Variants in FAR1 observed in about 807,000 individuals in gnomAD.
The protein encoded by FAR1 is fatty acyl-CoA reductase 1, also known as male sterility domain-containing protein 2.
In FAR1, 22 loss-of-function variants were observed where a neutral mutation model predicts 61.1. The observed-to-expected ratio is 0.36, with a 90% CI of 0.26 to 0.51. The LOEUF is 0.51. Among genes scored for constraint, FAR1 ranks in the 20% least tolerant of loss-of-function variants. The pLI is 0.95. For missense variants in FAR1, 359 were observed against 626.9 expected, an observed-to-expected ratio of 0.57 and a Z score of 4.56; for synonymous variants, 206 against 209.7, an observed-to-expected ratio of 0.98 and a Z score of 0.15.
At chr11:13,689,807 T>C (rs1848227785) in intron 1 of FAR1, among the ~76,000 whole-genome samples, 1 of 151,924 alleles carries the variant, frequency 6.6e-6, no homozygotes, top group Non-Finnish European at 1.5e-5. Flanking sequence ...TGTAGTGGGA[T>C]CACATAGGGG....
At chr11:13,709,155 AC>A (rs1231840920) in intron 4 of FAR1, among the ~76,000 whole-genome samples, 1 of 152,094 alleles carries the variant, frequency 6.6e-6, no homozygotes, top group African/African-American at 2.4e-5. Flanking sequence ...GATTCTATCC[AC>A]TTTGACTGCT....
chr11:13,699,537 C>T (rs2134183353), intron 2 of FAR1, among the ~76,000 whole-genome samples: 1 of 152,246 alleles, frequency 6.6e-6, no homozygotes, highest in Middle Eastern at 3.4e-3. Flanking sequence ...CAAGTTTGAA[C>T]TTCAAATGGA....
rs1258808029 is a variant in FAR1 at position 13,721,086 on chromosome 11, G to A, written c.1128-644G>A. On this transcript the variant is annotated intron_variant, in intron 9 of 11. Coordinates refer to ENST00000354817, the MANE Select transcript of FAR1 (RefSeq NM_032228.6). The surrounding 1 kb of genome is among the most constrained non-coding windows in gnomAD (Gnocchi z 4.2). ...TATTTCTGTAAGGATGAGTATTGGTGGGGTATGGAGAGGTGAGTGGATATC... is the reference window on the plus strand; with the variant it reads ...TATTTCTGTAAGGATGAGTATTGGTAGGGTATGGAGAGGTGAGTGGATATC... The A allele has an allele frequency of 6.6e-6, 1 of 152,110 alleles. No homozygotes were observed. The highest frequency in any genetic ancestry group is 2.4e-5 in the African/African-American group (1 of 41,444). The allele number at this position is 152,110 out of a possible 1,614,324, so 9.4% of individuals were successfully genotyped here. A position where few individuals can be genotyped will look rare whatever the true frequency, so the allele number is the denominator to read the frequency against.
chr11:13,725,846 G>A (rs140674059), intron 10 of FAR1, among the ~76,000 whole-genome samples: 1 of 151,436 alleles, frequency 6.6e-6, no homozygotes, highest in Non-Finnish European at 1.5e-5. Flanking sequence ...TAACCCCTAT[G>A]TAATTCCTAT....
At chr11:13,682,851 A>G (rs776842836) in intron 1 of FAR1, among the ~76,000 whole-genome samples, 2 of 152,016 alleles carry the variant, frequency 1.3e-5, no homozygotes, top group Admixed American at 6.6e-5. Context: ...GGCTCAAGCA[A>G]TCTGCCCACC....
chr11:13,706,662 TAAC>T lies in FAR1; in HGVS notation c.366-1235_366-1233del, dbSNP rs752748689. On this transcript the variant is annotated intron_variant, in intron 3 of 11. Coordinates refer to ENST00000354817, the MANE Select transcript of FAR1 (RefSeq NM_032228.6). ...CCACTCTTTTTGTAATTTTTAAAAA[TAAC>T]AATATATTGATATTAACTATAGTCT... 5.9e-5 allele frequency among the ~76,000 whole-genome samples: 9 copies of T among 151,836 alleles called. No individual in the cohort carries two copies. The South Asian group carries it at 1.4e-3, about 24-fold the overall frequency.
chr11:13,699,673 G>C (rs752543736), intron 2 of FAR1, among the ~76,000 whole-genome samples: 8 of 152,134 alleles, frequency 5.3e-5, no homozygotes, highest in African/African-American at 9.7e-5. Context: ...TTTGTGATCT[G>C]ATTGTCTAGC....
chr11:13,703,266 C>G (rs1313637701), intron 3 of FAR1, among the ~76,000 whole-genome samples: 1 of 152,186 alleles, frequency 6.6e-6, no homozygotes, highest in Non-Finnish European at 1.5e-5. Flanking sequence ...TCACTGCAGC[C>G]TCGACCTCCT....
chr11:13,686,424 CATT>C (rs1848185953), intron 1 of FAR1: 1 of 152,122 alleles, frequency 6.6e-6, no homozygotes, highest in South Asian at 2.1e-4. Flanking sequence ...AATCAGCTAA[CATT>C]ATGTTAAAAG....
At chr11:13,728,562 AT>A in intron 11 of FAR1, 49 bp from the exon 12 acceptor site, 3 of 1,529,556 alleles carry the variant, frequency 2.0e-6, no homozygotes, top group Non-Finnish European at 2.7e-6. Flanking sequence ...ATCTAACAAT[AT>A]TTTTTTCTAG....
At chr11:13,714,439 ATGAT>A (rs1282542261) in intron 8 of FAR1, 66 bp from the exon 9 acceptor site, 3 of 1,430,108 alleles carry the variant, frequency 2.1e-6, no homozygotes, top group Non-Finnish European at 2.8e-6. Flanking sequence ...TTATAAAAAC[ATGAT>A]TTTTTTTTTT....
chr11:13,691,517 C>T (rs1476387956), intron 1 of FAR1, among the ~76,000 whole-genome samples: 1 of 152,198 alleles, frequency 6.6e-6, no homozygotes, highest in Non-Finnish European at 1.5e-5. Context: ...AGCAGTTTCT[C>T]TATACTCAAC....
intron 4 of FAR1, among the ~76,000 whole-genome samples, chr11:13,710,005 A>G (rs1417799509): frequency 6.6e-6 from 1 of 152,016 alleles, no homozygotes; most frequent in Non-Finnish European, 1.5e-5. Context: ...AACTGGAGGA[A>G]TTTTTTTGAC....
At chr11:13,692,615 ATTTC>A (rs1435980643) in intron 1 of FAR1, among the ~76,000 whole-genome samples, 1 of 152,166 alleles carries the variant, frequency 6.6e-6, no homozygotes, top group African/African-American at 2.4e-5. Context: ...ATTTTTCACT[ATTTC>A]TTATTGGTAT....
At chr11:13,672,266 T>C (rs1169493774) in intron 1 of FAR1, among the ~76,000 whole-genome samples, 2 of 152,074 alleles carry the variant, frequency 1.3e-5, no homozygotes, top group African/African-American at 4.8e-5. Flanking sequence ...TGGAAGATCA[T>C]GGATGCTTTA....
At chr11:13,723,306 A>G (rs541552596) in intron 10 of FAR1, 106 of 363,352 alleles carry the variant, frequency 2.9e-4, no homozygotes, top group African/African-American at 2.3e-3. Flanking sequence ...TCAAGGCTGC[A>G]GTGAGATGTG....
intron 1 of FAR1, chr11:13,686,666 T>G (rs1848189709): frequency 6.6e-6 from 1 of 152,208 alleles, no homozygotes; most frequent in African/African-American, 2.4e-5. Context: ...GCTTTACACT[T>G]TTCTGATTAT....
At chr11:13,727,169 A>G (rs987563048) in intron 10 of FAR1, among the ~76,000 whole-genome samples, 6 of 152,026 alleles carry the variant, frequency 3.9e-5, no homozygotes, top group African/African-American at 1.4e-4. Flanking sequence ...TAGTCTGTTC[A>G]GTAGGCATGA....
intron 1 of FAR1, among the ~76,000 whole-genome samples, chr11:13,687,787 G>A (rs1221265293): frequency 2.0e-5 from 3 of 152,028 alleles, no homozygotes; most frequent in Non-Finnish European, 4.4e-5. Context: ...AAAATGATGA[G>A]TTCATGTCCT....
Sources: gnomAD v4.1 joint callset for allele counts (sites outside exome capture counted in the v4.1 genomes callset) on GRCh38, gnomAD v4.1.1 for gene constraint, Gnocchi (gnomAD v3.1) non-coding constraint, MANE v1.5 for transcripts, NCBI Gene and HGNC (gene_info 2026-07-23, HGNC 2026-07-21) for gene names.